Variants in SERPINA9 observed in about 807,000 individuals in gnomAD.
The protein encoded by SERPINA9 is serpin family A member 9, also known as serpin A9.
Under a neutral mutation model 24.5 loss-of-function variants are expected in SERPINA9, and 32 were observed. That is an observed-to-expected ratio of 1.30 (90% CI 0.98 to 1.75). The LOEUF (loss-of-function observed/expected upper bound fraction) is 1.75, where lower values mean the gene tolerates loss of function less well. Among genes scored for constraint, SERPINA9 ranks in the 40% most tolerant of loss-of-function variants. The probability of loss-of-function intolerance (pLI) is 0.00; values close to 1 mark genes in which losing one functional copy is unlikely to be tolerated. For synonymous variants in SERPINA9, 233 were observed against 197.7 expected (o/e 1.18, Z -1.50); for missense variants, 594 against 497.1 (o/e 1.19, Z -1.85).
chr14:94,463,388 T>A, intron 4 of SERPINA9, 92 bp from the exon 5 acceptor site: 1 of 1,101,700 alleles, frequency 9.1e-7, no homozygotes, highest in Non-Finnish European at 1.4e-6. Flanking sequence ...CCTGGAATGG[T>A]GATGTCTACC....
intron 1 of SERPINA9, among the ~76,000 whole-genome samples, chr14:94,473,335 G>A (rs561019373): frequency 5.3e-5 from 8 of 152,080 alleles, no homozygotes; most frequent in African/African-American, 1.7e-4. Context: ...CCTGGCCAAC[G>A]TGGCAAAACC....
At chr14:94,473,165 A>C (rs559525924) in intron 1 of SERPINA9, among the ~76,000 whole-genome samples, 145 of 152,288 alleles carry the variant, frequency 9.5e-4, no homozygotes, top group African/African-American at 3.4e-3. Context: ...AAAAGTGCCC[A>C]ATGTATGGGC....
chr14:94,470,242 T>A (rs1899247100), intron 1 of SERPINA9: 1 of 998,884 alleles, frequency 1.0e-6, no homozygotes, highest in Non-Finnish European at 1.2e-6. Context: ...CCAGAAGTGG[T>A]TTCTCACCCT....
chr14:94,468,245 G>T (rs778371770), intron 2 of SERPINA9, among the ~76,000 whole-genome samples: 1 of 152,184 alleles, frequency 6.6e-6, no homozygotes, highest in Non-Finnish European at 1.5e-5. Flanking sequence ...TGGATGGATA[G>T]CTTGGTGAAT....
intron 4 of SERPINA9, chr14:94,464,447 A>G: frequency 1.9e-6 from 1 of 539,830 alleles, no homozygotes; most frequent in East Asian, 3.1e-5. Context: ...CTGAGGGAGC[A>G]CTTGCTCTCC....
chr14:94,464,911 T>G, intron 3 of SERPINA9, 57 bp from the exon 4 acceptor site: 1 of 1,416,958 alleles, frequency 7.1e-7, no homozygotes, highest in Non-Finnish European at 9.7e-7. Context: ...TCTGCATCTC[T>G]GCTCCTAGAT....
chr14:94,475,614 G>A (rs574023686), intron 1 of SERPINA9, among the ~76,000 whole-genome samples: 2 of 152,092 alleles, frequency 1.3e-5, no homozygotes, highest in East Asian at 1.9e-4. Context: ...CACCAATAAA[G>A]CAGAGGATCG....
intron 1 of SERPINA9, 139 bp downstream of exon 1, chr14:94,475,997 G>C (rs552811367): frequency 1.1e-4 from 153 of 1,336,676 alleles, no homozygotes; most frequent in Non-Finnish European, 2.7e-5. Flanking sequence ...GCTACTAAAA[G>C]CCAACTAATG....
chr14:94,469,646 A>ACTCG lies in SERPINA9; in HGVS notation c.191_194dup (p.Gln66GlufsTer93). 1 of 1,613,886 alleles carries ACTCG rather than the reference A, an allele frequency of 6.2e-7. No homozygotes were observed. The highest frequency in any genetic ancestry group is 8.5e-7 in the Non-Finnish European group (1 of 1,179,980). On this transcript the variant is annotated frameshift_variant, in exon 2 of 5. Transcript: ENST00000674397. LOFTEE classifies it high-confidence loss of function. ...TCACAGGGGAGAAGAAGATGTTCTG[A>ACTCG]CTCGGGGTCTCCAAAACCAGCCTGC... is the stretch of plus-strand genomic sequence containing the variant.
In SERPINA9 at chr14:94,462,790, C is replaced by G. The variant is rs978859630; in HGVS notation, c.*303G>C. 1.1e-5 allele frequency: 4 copies of G among 369,724 alleles called. No individual in the cohort carries two copies. Among genetic ancestry groups the G allele is most frequent in the African/African-American group, 8.2e-5 (4 of 48,720 alleles). The allele number at this position is 369,724 out of a possible 1,614,324, so 22.9% of individuals were successfully genotyped here. On this transcript the variant is annotated 3_prime_UTR_variant, in exon 5 of 5. Transcript: ENST00000674397. ...TAATTCTGCAATAGAGGTGCCTAAC[C>G]TGGGTTGGCGTATTTCCATTCCTGG...
intron 4 of SERPINA9, chr14:94,464,470 G>T (rs955254433): frequency 1.8e-6 from 1 of 554,326 alleles, no homozygotes. Context: ...CAGCAGGCAT[G>T]GGGGAGCACC....
At chr14:94,466,518 C>T (rs1249408586) in intron 3 of SERPINA9, among the ~76,000 whole-genome samples, 3 of 152,210 alleles carry the variant, frequency 2.0e-5, no homozygotes, top group Non-Finnish European at 4.4e-5. Flanking sequence ...AGAGACAGAA[C>T]ATAAAACGTG....
intron 1 of SERPINA9, among the ~76,000 whole-genome samples, chr14:94,474,305 C>A (rs964596751): frequency 2.6e-5 from 4 of 152,206 alleles, no homozygotes; most frequent in Non-Finnish European, 5.9e-5. Context: ...GCGGCCTCCA[C>A]GCCCCAAGTC....
chr14:94,472,081 G>A (rs895653924), intron 1 of SERPINA9, among the ~76,000 whole-genome samples: 10 of 152,080 alleles, frequency 6.6e-5, no homozygotes, highest in African/African-American at 2.4e-4. Flanking sequence ...AGATAGCCAG[G>A]GTCCTGGCTC....
intron 1 of SERPINA9, among the ~76,000 whole-genome samples, chr14:94,475,669 A>T (rs1019528079): frequency 2.0e-5 from 3 of 152,080 alleles, no homozygotes; most frequent in East Asian, 1.9e-4. Context: ...CTTAGAAAGT[A>T]TCTCTTCTCT....
At chr14:94,470,948 A>C (rs1057259781) in intron 1 of SERPINA9, among the ~76,000 whole-genome samples, 1 of 152,138 alleles carries the variant, frequency 6.6e-6, no homozygotes, top group Non-Finnish European at 1.5e-5. Context: ...CATTTTAGAG[A>C]AGGAAGGTGT....
In SERPINA9 at chr14:94,469,600, T is replaced by A; in HGVS notation, c.241A>T (p.Met81Leu). ...ACTGAGTGGGCCCCAAGGGAGAGCATGGCCAGGGAAGTGGAGACACTCACA... is the reference window on the plus strand; with the variant it reads ...ACTGAGTGGGCCCCAAGGGAGAGCAAGGCCAGGGAAGTGGAGACACTCACA... ...SPVSVSTSLA[M>L]LSLGAHSVTK... is the part of the protein sequence containing the mutation. Residue 81 changes from methionine to leucine, a missense_variant, in exon 2 of 5, where the codon ATG becomes TTG. Transcript: ENST00000674397. 11 of 1,614,048 alleles carry A rather than the reference T, an allele frequency of 6.8e-6. No individual in the cohort carries two copies. The highest frequency in any genetic ancestry group is 9.3e-6 in the Non-Finnish European group (11 of 1,180,002).
chr14:94,470,225 T>C (rs890799667), intron 1 of SERPINA9: 19 of 1,008,268 alleles, frequency 1.9e-5, no homozygotes, highest in Middle Eastern at 5.0e-4. Flanking sequence ...CCAGATTGCA[T>C]TAGCAGCCAG....
intron 1 of SERPINA9, among the ~76,000 whole-genome samples, chr14:94,470,784 C>T (rs796405791): frequency 3.9e-4 from 60 of 152,286 alleles, no homozygotes; most frequent in African/African-American, 1.4e-3. Flanking sequence ...TTGATTGGAG[C>T]AACTCTATCA....
Sources: gnomAD v4.1 joint callset for allele counts (sites outside exome capture counted in the v4.1 genomes callset) on GRCh38, gnomAD v4.1.1 for gene constraint, MANE v1.5 for transcripts, NCBI Gene and HGNC (gene_info 2026-07-23, HGNC 2026-07-21) for gene names.